DDX31: variants seen among roughly 807,000 people sequenced by gnomAD.
DDX31 encodes the protein ATP-dependent DNA helicase DDX31.
In DDX31, 70 loss-of-function variants were observed where a neutral mutation model predicts 91.3. The ratio of observed to expected loss-of-function variants is 0.77; its 90% CI spans 0.63 to 0.94. The LOEUF (loss-of-function observed/expected upper bound fraction) is 0.94. Ranked by LOEUF, DDX31 falls within the 40% of genes least tolerant of loss-of-function variation. DDX31 has a pLI of 0.00. For synonymous variants in DDX31, 362 were observed against 350.6 expected (o/e 1.03, Z -0.36); for missense variants, 902 against 925.0 (o/e 0.98, Z 0.32).
intron 13 of DDX31, among the ~76,000 whole-genome samples, chr9:132,644,128 C>T (rs184517497): frequency 6.6e-6 from 1 of 152,102 alleles, no homozygotes; most frequent in African/African-American, 2.4e-5. Flanking sequence ...AGAAACTCAC[C>T]CCTAATACTT....
intron 9 of DDX31, among the ~76,000 whole-genome samples, chr9:132,649,219 G>C (rs1330708040): frequency 1.3e-5 from 2 of 152,168 alleles, no homozygotes; most frequent in African/African-American, 4.8e-5. Flanking sequence ...TAGGATTACA[G>C]GCATGAGCCA....
chr9:132,638,134 G>A, intron 14 of DDX31: 2 of 1,389,788 alleles, frequency 1.4e-6, no homozygotes, highest in South Asian at 3.3e-5. Context: ...TTGGCGCCCA[G>A]GGCGGGCTGC....
At chr9:132,630,878 G>A (rs1356874518) in intron 15 of DDX31, among the ~76,000 whole-genome samples, 1 of 152,180 alleles carries the variant, frequency 6.6e-6, no homozygotes, top group Admixed American at 6.5e-5. Flanking sequence ...CTGTGGGCAG[G>A]GTCTACCTCT....
chr9:132,634,075 T>A (rs1832951886), intron 14 of DDX31, among the ~76,000 whole-genome samples: 1 of 152,066 alleles, frequency 6.6e-6, no homozygotes, highest in Non-Finnish European at 1.5e-5. Context: ...CCAAAACACA[T>A]TAAATAGGCA....
intron 18 of DDX31, among the ~76,000 whole-genome samples, chr9:132,616,118 A>T (rs1831612053): frequency 6.6e-6 from 1 of 152,218 alleles, no homozygotes; most frequent in Non-Finnish European, 1.5e-5. Flanking sequence ...TACTCTCTCA[A>T]GCCTCCAAAA....
At chr9:132,624,471 T>C (rs1368986215) in intron 17 of DDX31, among the ~76,000 whole-genome samples, 1 of 152,222 alleles carries the variant, frequency 6.6e-6, no homozygotes, top group Non-Finnish European at 1.5e-5. Context: ...TTTCCTTATT[T>C]AGAAAAAGAC....
intron 1 of DDX31, among the ~76,000 whole-genome samples, chr9:132,667,459 C>T (rs1001621215): frequency 1.9e-4 from 29 of 151,888 alleles, no homozygotes; most frequent in African/African-American, 6.5e-4. Context: ...AAAAATTAGC[C>T]GGGTGTGGTG....
In DDX31 at chr9:132,595,203, T is replaced by C. The variant is rs1490508648; in HGVS notation, c.1995-91A>G. 16 of 1,471,156 alleles carry C rather than the reference T, an allele frequency of 1.1e-5. No homozygotes were observed. The highest frequency in any genetic ancestry group is 1.8e-4 in the Middle Eastern group (1 of 5,498). 91.1% of individuals were successfully genotyped at this position (1,471,156 alleles called of 1,614,324 possible). On this transcript the variant is annotated intron_variant, in intron 19 of 19. Coordinates refer to ENST00000372159, the MANE Select transcript of DDX31 (RefSeq NM_022779.9). The surrounding 1 kb of genome is among the most constrained non-coding windows in gnomAD (Gnocchi z 4.6). ...GGCTGATAGCAGCTGGTTCTGAGAC[T>C]GTGAAGCTGACATTTTTGTATTAAC...
At chr9:132,662,022 C>T (rs1383357629) in intron 3 of DDX31, among the ~76,000 whole-genome samples, 1 of 151,990 alleles carries the variant, frequency 6.6e-6, no homozygotes, top group Non-Finnish European at 1.5e-5. Context: ...AAAACACACA[C>T]ACAAAAACAC....
chr9:132,645,678 G>C (rs1375841203), intron 13 of DDX31, among the ~76,000 whole-genome samples: 1 of 152,132 alleles, frequency 6.6e-6, no homozygotes, highest in Admixed American at 6.5e-5. Flanking sequence ...AAGCAAATGG[G>C]AACAATAGAC....
At chr9:132,610,415 A>G (rs1326786422) in intron 19 of DDX31, among the ~76,000 whole-genome samples, 4 of 152,198 alleles carry the variant, frequency 2.6e-5, no homozygotes, top group African/African-American at 9.7e-5. Flanking sequence ...GCATTGTCCT[A>G]TGTGAGAGTT....
At chr9:132,608,152 C>T (rs1046103330) in intron 19 of DDX31, among the ~76,000 whole-genome samples, 1 of 152,150 alleles carries the variant, frequency 6.6e-6, no homozygotes, top group Admixed American at 6.5e-5. Context: ...ATGCTGTTTT[C>T]GTGATGGATG....
chr9:132,611,221 G>A (rs756283192), intron 19 of DDX31, among the ~76,000 whole-genome samples: 2 of 152,170 alleles, frequency 1.3e-5, no homozygotes, highest in African/African-American at 2.4e-5. Context: ...CATCCACAAC[G>A]TTCTGGGATT....
intron 1 of DDX31, among the ~76,000 whole-genome samples, chr9:132,668,575 T>C (rs1281556326): frequency 2.0e-5 from 3 of 151,458 alleles, no homozygotes; most frequent in African/African-American, 7.3e-5. Context: ...GCAGCTTTTT[T>C]TTTTTTTTTT....
chr9:132,619,061 C>T (rs1831824573), intron 17 of DDX31, among the ~76,000 whole-genome samples: 2 of 152,214 alleles, frequency 1.3e-5, no homozygotes, highest in Admixed American at 1.3e-4. Flanking sequence ...CACTCAAAGA[C>T]TGCCTGGATC....
intron 19 of DDX31, among the ~76,000 whole-genome samples, chr9:132,608,694 AT>A (rs1434092154): frequency 2.0e-5 from 3 of 152,244 alleles, no homozygotes; most frequent in Non-Finnish European, 2.9e-5. Flanking sequence ...ATTTAGTGCC[AT>A]TATTTTATTC....
chr9:132,668,113 A>C (rs74818179), intron 1 of DDX31, among the ~76,000 whole-genome samples: 7 of 152,260 alleles, frequency 4.6e-5, no homozygotes, highest in African/African-American at 1.7e-4. Flanking sequence ...ACCCAGATGC[A>C]GCTACACTTG....
chr9:132,642,947 C>T (rs1833591766), intron 13 of DDX31, among the ~76,000 whole-genome samples: 1 of 151,926 alleles, frequency 6.6e-6, no homozygotes, highest in Admixed American at 6.6e-5. Flanking sequence ...ACCTTGGCCT[C>T]CTGAGTAGCT....
chr9:132,660,362 A>G (rs1169076310), intron 4 of DDX31, among the ~76,000 whole-genome samples: 3 of 151,896 alleles, frequency 2.0e-5, no homozygotes, highest in Non-Finnish European at 4.4e-5. Context: ...AGAAAAAGAA[A>G]CAGGCATGAC....
Sources: gnomAD v4.1 joint callset for allele counts (sites outside exome capture counted in the v4.1 genomes callset) on GRCh38, gnomAD v4.1.1 for gene constraint, Gnocchi (gnomAD v3.1) non-coding constraint, MANE v1.5 for transcripts, NCBI Gene and HGNC (gene_info 2026-07-23, HGNC 2026-07-21) for gene names.